FER: variants seen among roughly 807,000 people sequenced by gnomAD.
FER encodes FER tyrosine kinase.
Under a neutral mutation model 111.0 loss-of-function variants are expected in FER, and 63 were observed. The ratio of observed to expected loss-of-function variants is 0.57; its 90% confidence interval spans 0.46 to 0.70. FER has a LOEUF of 0.70. Ranked by LOEUF, FER falls within the 30% of genes least tolerant of loss-of-function variation. FER has a pLI of 0.00. For missense variants in FER, 914 were observed against 954.0 expected (o/e 0.96, Z 0.55); for synonymous variants, 327 against 313.9 (o/e 1.04, Z -0.44).
chr5:108,972,900 T>C (rs1336094771), intron 13 of FER, among the ~76,000 whole-genome samples: 1 of 152,192 alleles, frequency 6.6e-6, no homozygotes, highest in African/African-American at 2.4e-5. Flanking sequence ...TATTTTTAAA[T>C]TATATTTGAA....
At chr5:109,116,890 A>G (rs571870989) in intron 17 of FER, among the ~76,000 whole-genome samples, 1 of 152,224 alleles carries the variant, frequency 6.6e-6, no homozygotes, top group East Asian at 1.9e-4. Flanking sequence ...ATAAATACGT[A>G]TTTTTGTGAT....
rs559997884 is a variant in FER, at chr5:109,090,895, A to G, written c.1925-9501A>G. Among the ~76,000 whole-genome samples, 40 of 152,320 alleles carry G rather than the reference A, an allele frequency of 2.6e-4. 1 individual carries two copies. Among genetic ancestry groups the G allele is most frequent in the Admixed American group, 4.6e-4 (7 of 15,304 alleles). ...ATACACATTAGGGGATTTTCAAAGG[A>G]TAAAAGTAAGAGAAGGGGACAGAGA... is the stretch of plus-strand genomic sequence containing the variant. On this transcript the variant is annotated intron_variant, in intron 16 of 19. Coordinates refer to ENST00000281092, the MANE Select transcript of FER (RefSeq NM_005246.4).
chr5:108,772,333 C>CAT (rs201063263), intron 2 of FER, among the ~76,000 whole-genome samples: 36 of 137,572 alleles, frequency 2.6e-4, no homozygotes, highest in South Asian at 4.5e-4. Flanking sequence ...TATATATATA[C>CAT]ACATATATAT....
chr5:108,860,727 C>T (rs1763434134), intron 5 of FER, among the ~76,000 whole-genome samples: 1 of 152,154 alleles, frequency 6.6e-6, no homozygotes, highest in African/African-American at 2.4e-5. Context: ...TGAAATTGAG[C>T]AGCGTATTAG....
In FER at chr5:108,901,872, G is replaced by A. The variant is rs142053560; in HGVS notation, c.1236+4024G>A. Among the ~76,000 whole-genome samples the A allele has an allele frequency of 1.1e-3, 163 of 152,270 alleles. 1 individual carries two copies. The highest frequency in any genetic ancestry group is 3.5e-3 in the African/African-American group (147 of 41,556). On this transcript the variant is annotated intron_variant, in intron 10 of 19. Coordinates refer to ENST00000281092, the MANE Select transcript of FER (RefSeq NM_005246.4). ...AGTTTGAGGTAAAAGGATTGTTTAA[G>A]GTGTGTAGTTTGAGACTGCAGTGTT...
At chr5:108,979,604 T>C (rs970153109) in intron 13 of FER, among the ~76,000 whole-genome samples, 23 of 152,160 alleles carry the variant, frequency 1.5e-4, no homozygotes, top group African/African-American at 5.3e-4. Flanking sequence ...AAGTATATCA[T>C]TAAATGTGGC....
chr5:108,767,883 A>G (rs769715773), intron 1 of FER, among the ~76,000 whole-genome samples: 3 of 152,228 alleles, frequency 2.0e-5, no homozygotes, highest in Non-Finnish European at 4.4e-5. Flanking sequence ...GTAACAATAC[A>G]TTACTGTTTC....
chr5:108,799,779 A>G (rs1756426094), intron 3 of FER, among the ~76,000 whole-genome samples: 2 of 151,466 alleles, frequency 1.3e-5, no homozygotes, highest in African/African-American at 4.8e-5. Flanking sequence ...GTTTTTGGTA[A>G]GCTACCTGGT....
chr5:109,051,569 A>G, intron 16 of FER: 12 of 1,609,982 alleles, frequency 7.5e-6, no homozygotes, highest in Non-Finnish European at 1.0e-5. Flanking sequence ...TAATTGCGGC[A>G]AGAAGAATTG....
At chr5:109,182,686 A>G (rs1055064804) in intron 18 of FER, among the ~76,000 whole-genome samples, 9 of 152,134 alleles carry the variant, frequency 5.9e-5, no homozygotes, top group African/African-American at 1.9e-4. Context: ...CTCTTAAACA[A>G]TTTTGCCAAG....
intron 17 of FER, among the ~76,000 whole-genome samples, chr5:109,119,811 A>G (rs1750736431): frequency 6.6e-6 from 1 of 152,068 alleles, no homozygotes; most frequent in Admixed American, 6.6e-5. Context: ...GATAGAAATC[A>G]TTTCAACTGG....
chr5:108,891,241 T>C (rs1287074569), intron 9 of FER, among the ~76,000 whole-genome samples: 5 of 152,168 alleles, frequency 3.3e-5, no homozygotes, highest in East Asian at 1.9e-4. Flanking sequence ...TGTTTTGTTT[T>C]GTTTTGTTTT....
chr5:109,166,799 GAGTCCCTCTCAT>G (rs1756602492), intron 17 of FER, among the ~76,000 whole-genome samples: 1 of 152,066 alleles, frequency 6.6e-6, no homozygotes, highest in Admixed American at 6.6e-5. Flanking sequence ...GCTGTAGATT[GAGTCCCTCTCAT>G]TCGACATGGT....
At chr5:109,054,061 G>T (rs963568738) in intron 16 of FER, among the ~76,000 whole-genome samples, 1 of 152,096 alleles carries the variant, frequency 6.6e-6, no homozygotes, top group Non-Finnish European at 1.5e-5. Flanking sequence ...ATGATTTCCA[G>T]TTTGGGGCTA....
chr5:108,879,303 A>G (rs1765400368), intron 8 of FER, among the ~76,000 whole-genome samples: 1 of 151,978 alleles, frequency 6.6e-6, no homozygotes, highest in Admixed American at 6.6e-5. Flanking sequence ...GTTATATATA[A>G]CGTGTGCCAT....
chr5:109,184,020 G>C (rs1758581810), intron 18 of FER, among the ~76,000 whole-genome samples: 1 of 152,026 alleles, frequency 6.6e-6, no homozygotes, highest in South Asian at 2.1e-4. Flanking sequence ...CAAAATGGTA[G>C]AATACTCAAC....
chr5:108,794,063 A>G (rs1169611088), intron 2 of FER, among the ~76,000 whole-genome samples: 2 of 152,158 alleles, frequency 1.3e-5, no homozygotes, highest in East Asian at 3.9e-4. Context: ...TTTACACACC[A>G]CAATTACACA....
At chr5:108,786,869 G>A (rs1754783335) in intron 2 of FER, among the ~76,000 whole-genome samples, 1 of 152,150 alleles carries the variant, frequency 6.6e-6, no homozygotes. Context: ...AGTACTGCTT[G>A]ATGATGAGAT....
At chr5:108,756,537 A>G (rs1193402085) in intron 1 of FER, among the ~76,000 whole-genome samples, 1 of 152,022 alleles carries the variant, frequency 6.6e-6, no homozygotes, top group Non-Finnish European at 1.5e-5. Flanking sequence ...ATAGGAGAGT[A>G]ATTAAGGGGA....
Sources: allele counts gnomAD v4.1 joint callset (sites outside exome capture counted in the v4.1 genomes callset), GRCh38; gene constraint gnomAD v4.1.1; transcripts MANE v1.5; gene names NCBI Gene and HGNC (gene_info 2026-07-23, HGNC 2026-07-21).